The following CNTNAP2 variants were observed in gnomAD, a reference collection of about 807,000 sequenced individuals.
CNTNAP2 encodes contactin associated protein 2, also known as contactin-associated protein-like 2.
CNTNAP2 carries 98 observed loss-of-function variants against 155.2 expected under a neutral mutation model. That is an observed-to-expected ratio of 0.63 (90% CI 0.54 to 0.75). CNTNAP2 has a LOEUF of 0.75. CNTNAP2 is among the 30% of genes least tolerant of loss of function. The pLI, the probability that CNTNAP2 is intolerant of heterozygous loss-of-function variation, is 0.00. For synonymous variants in CNTNAP2, 651 were observed against 631.2 expected (o/e 1.03, Z -0.47); for missense variants, 1,727 against 1,688.1 (o/e 1.02, Z -0.40).
chr7:146,788,404 T>C (rs1038464245), intron 2 of CNTNAP2, among the ~76,000 whole-genome samples: 4 of 152,240 alleles, frequency 2.6e-5, no homozygotes, highest in Non-Finnish European at 5.9e-5. Flanking sequence ...CTTCTCGTAT[T>C]ATGGTAAGGT....
intron 18 of CNTNAP2, among the ~76,000 whole-genome samples, chr7:148,214,106 A>C (rs907448481): frequency 2.0e-5 from 3 of 152,152 alleles, no homozygotes; most frequent in Non-Finnish European, 4.4e-5. Flanking sequence ...TCCCACAGCA[A>C]GTCTTCCACC....
intron 3 of CNTNAP2, among the ~76,000 whole-genome samples, chr7:146,970,692 C>G (rs1014975145): frequency 9.9e-5 from 15 of 152,018 alleles, no homozygotes; most frequent in African/African-American, 3.4e-4. Context: ...ACCATTTGAC[C>G]CAGCCATCCT....
At chr7:146,822,987 A>C (rs1803320172) in intron 2 of CNTNAP2, among the ~76,000 whole-genome samples, 1 of 946 alleles carries the variant, frequency 1.1e-3, no homozygotes, top group African/African-American at 5.7e-3. Context: ...CAGCATATTT[A>C]CATGGAAATA....
chr7:147,629,360 A>C (rs888311359), intron 12 of CNTNAP2, among the ~76,000 whole-genome samples: 1 of 151,436 alleles, frequency 6.6e-6, no homozygotes. Flanking sequence ...TTGAGATTGC[A>C]CCACTGCACT....
At chr7:146,218,438 G>A (rs966961617) in intron 1 of CNTNAP2, among the ~76,000 whole-genome samples, 2 of 152,268 alleles carry the variant, frequency 1.3e-5, no homozygotes, top group East Asian at 1.9e-4. Flanking sequence ...GAACCTGAGA[G>A]GCGGAGCTTG....
At chr7:148,277,913 G>A (rs953715643) in intron 21 of CNTNAP2, among the ~76,000 whole-genome samples, 1 of 151,788 alleles carries the variant, frequency 6.6e-6, no homozygotes, top group Non-Finnish European at 1.5e-5. Flanking sequence ...TAATCTGCGG[G>A]TCAGCTAAGG....
chr7:146,676,230 T>C (rs149265582), intron 1 of CNTNAP2, among the ~76,000 whole-genome samples: 140 of 152,302 alleles, frequency 9.2e-4, no homozygotes, highest in African/African-American at 3.2e-3. Context: ...TCAATAAATA[T>C]GCGAAATCTA....
At chr7:146,225,496 C>T (rs938960518) in intron 1 of CNTNAP2, among the ~76,000 whole-genome samples, 5 of 152,234 alleles carry the variant, frequency 3.3e-5, no homozygotes, top group Admixed American at 6.5e-5. Context: ...TCCTAGAACA[C>T]GTAGATTCAT....
intron 8 of CNTNAP2, among the ~76,000 whole-genome samples, chr7:147,260,338 G>C (rs1052862876): frequency 4.6e-5 from 7 of 152,118 alleles, no homozygotes; most frequent in Non-Finnish European, 1.0e-4. Flanking sequence ...AGGTCTCTAA[G>C]ATACATTTCA....
At position 148,415,877 on chromosome 7, in the gene CNTNAP2, G is replaced by A. The variant is rs1178898375; in HGVS notation, c.*261G>A. On this transcript the variant is annotated 3_prime_UTR_variant, in exon 24 of 24. Transcript: ENST00000361727. Reference sequence around the variant, plus strand: ...AAAATGCTTTTAGAGTTTAAGCAATGGTTGAAATTTGTAGGTACTATCTGT... The same window carrying A: ...AAAATGCTTTTAGAGTTTAAGCAATAGTTGAAATTTGTAGGTACTATCTGT... The A allele has an allele frequency of 1.8e-6, 1 of 569,934 alleles. No individual in the cohort carries two copies. The highest frequency in any genetic ancestry group is 1.9e-5 in the African/African-American group (1 of 53,196). The allele number at this position is 569,934 out of a possible 1,614,324, so 35.3% of individuals were successfully genotyped here. A position where few individuals can be genotyped will look rare whatever the true frequency, so the allele number is the denominator to read the frequency against.
chr7:147,518,481 C>T (rs1387959481), intron 11 of CNTNAP2, among the ~76,000 whole-genome samples: 1 of 152,166 alleles, frequency 6.6e-6, no homozygotes, highest in Non-Finnish European at 1.5e-5. Flanking sequence ...CTCTTGCAGT[C>T]TAGCACATGT....
chr7:147,031,547 T>C (rs1369718246), intron 3 of CNTNAP2, among the ~76,000 whole-genome samples: 2 of 152,130 alleles, frequency 1.3e-5, no homozygotes, highest in Non-Finnish European at 1.5e-5. Flanking sequence ...ATAATAACGA[T>C]ATGAGGGAAT....
chr7:147,657,888 A>C (rs1795548872), intron 13 of CNTNAP2, among the ~76,000 whole-genome samples: 1 of 152,226 alleles, frequency 6.6e-6, no homozygotes, highest in Non-Finnish European at 1.5e-5. Flanking sequence ...CTGAAAGGAA[A>C]AGAAACTTGA....
In CNTNAP2 at chr7:147,041,413, C is replaced by T. The variant is rs550609299; in HGVS notation, c.403-2494C>T. Among the ~76,000 whole-genome samples, 3 of 152,266 alleles carry T rather than the reference C, an allele frequency of 2.0e-5. No individual in the cohort carries two copies. In the South Asian group the frequency reaches 6.2e-4, roughly 32 times the overall value. On this transcript the variant is annotated intron_variant, in intron 3 of 23. Transcript: ENST00000361727. ...TCCTAGAGAGGCTACCCATACAAAG[C>T]AAAATTTCAGCATAACTATCCCTGG...
At chr7:147,095,704 C>G (rs758025576) in intron 4 of CNTNAP2, among the ~76,000 whole-genome samples, 2 of 151,948 alleles carry the variant, frequency 1.3e-5, no homozygotes, top group Non-Finnish European at 2.9e-5. Context: ...ATATACCTTA[C>G]CAAGCTACAG....
intron 1 of CNTNAP2, among the ~76,000 whole-genome samples, chr7:146,599,916 T>A (rs1001471459): frequency 6.6e-6 from 1 of 152,160 alleles, no homozygotes; most frequent in Admixed American, 6.6e-5. Flanking sequence ...TAAAACTATG[T>A]GTAAAATGTT....
chr7:147,116,411 G>A (rs60237233), intron 5 of CNTNAP2, among the ~76,000 whole-genome samples: 1 of 152,226 alleles, frequency 6.6e-6, no homozygotes, highest in Non-Finnish European at 1.5e-5. Context: ...AAGGCCCACA[G>A]GCTGGACTAG....
At chr7:146,353,662 G>T (rs944011303) in intron 1 of CNTNAP2, among the ~76,000 whole-genome samples, 4 of 151,964 alleles carry the variant, frequency 2.6e-5, no homozygotes, top group African/African-American at 9.7e-5. Flanking sequence ...TAAGAACTAA[G>T]CATGACAGTC....
intron 12 of CNTNAP2, among the ~76,000 whole-genome samples, chr7:147,637,565 C>T (rs564745956): frequency 6.6e-6 from 1 of 152,080 alleles, no homozygotes; most frequent in Non-Finnish European, 1.5e-5. Flanking sequence ...TCCTCTCTAC[C>T]CACTTCCTTT....
Sources: allele counts gnomAD v4.1 joint callset (sites outside exome capture counted in the v4.1 genomes callset), GRCh38; gene constraint gnomAD v4.1.1; transcripts MANE v1.5; gene names NCBI Gene and HGNC (gene_info 2026-07-23, HGNC 2026-07-21).